The following AFF1 variants were observed in gnomAD, a reference collection of about 807,000 sequenced individuals.
AFF1 encodes the protein ALF transcription elongation factor 1, also known as AF4/FMR2 family member 1.
A neutral mutation model predicts 121.7 loss-of-function variants in AFF1; 48 were observed. That is an observed-to-expected ratio of 0.39 (90% CI 0.31 to 0.50). AFF1 has a LOEUF of 0.50. Ranked by LOEUF, AFF1 falls within the 20% of genes least tolerant of loss-of-function variation. The pLI is 0.76. For missense variants in AFF1, 1,523 were observed against 1,511.7 expected (o/e 1.01, Z -0.12); for synonymous variants, 613 against 563.0 (o/e 1.09, Z -1.26).
chr4:87,087,220 A>G (rs907542106), intron 5 of AFF1, among the ~76,000 whole-genome samples: 8 of 152,234 alleles, frequency 5.3e-5, no homozygotes, highest in African/African-American at 1.9e-4. Flanking sequence ...TATTCAACAA[A>G]TACTTGTTAA....
At chr4:87,127,459 A>G (rs1007259311) in intron 15 of AFF1, among the ~76,000 whole-genome samples, 184 bp from the exon 16 acceptor site, 3 of 152,038 alleles carry the variant, frequency 2.0e-5, no homozygotes, top group Admixed American at 6.6e-5. Context: ...CACTGCACCC[A>G]GCCACTTCTT....
intron 2 of AFF1, among the ~76,000 whole-genome samples, chr4:86,995,119 G>C (rs1270573489): frequency 6.6e-6 from 1 of 152,134 alleles, no homozygotes; most frequent in Non-Finnish European, 1.5e-5. Context: ...TGTAGCCCCA[G>C]CTACTCAGGA....
At chr4:87,030,094 T>A (rs1728918579) in intron 2 of AFF1, among the ~76,000 whole-genome samples, 1 of 152,152 alleles carries the variant, frequency 6.6e-6, no homozygotes, top group African/African-American at 2.4e-5. Flanking sequence ...AAGAAGTTAT[T>A]TCAGAAGCAG....
intron 11 of AFF1, 80 bp from the exon 12 acceptor site, chr4:87,114,287 G>A: frequency 1.6e-6 from 2 of 1,289,794 alleles, no homozygotes; most frequent in Non-Finnish European, 2.1e-6. Flanking sequence ...GGACAGTGTT[G>A]TATAATTGGG....
rs1171253973 is a variant in AFF1 at position 87,115,117 on chromosome 4, A to ACTCCTCCC, written c.2286_2293dup (p.Pro765LeufsTer7). The ACTCCTCCC allele has an allele frequency of 6.2e-7, 1 of 1,612,826 alleles. No individual in the cohort carries two copies. The highest frequency in any genetic ancestry group is 1.3e-5 in the African/African-American group (1 of 74,466). ...CAAGCTGCTCTCACCGCTCAGGGAC[A>ACTCCTCCC]CTCCTCCCCCACAAAGCTTGATGGT... On this transcript the variant is annotated frameshift_variant, in exon 12 of 21. Coordinates refer to ENST00000395146, the MANE Select transcript of AFF1 (RefSeq NM_001166693.3). LOFTEE classifies it high-confidence loss of function.
intron 11 of AFF1, among the ~76,000 whole-genome samples, chr4:87,112,130 T>C (rs1440361804): frequency 6.6e-6 from 1 of 152,226 alleles, no homozygotes; most frequent in African/African-American, 2.4e-5. Context: ...GCAAGTGATG[T>C]ATCTCACTAC....
At chr4:87,080,295 A>T (rs1057235814) in intron 4 of AFF1, among the ~76,000 whole-genome samples, 1 of 152,232 alleles carries the variant, frequency 6.6e-6, no homozygotes, top group Non-Finnish European at 1.5e-5. Context: ...AAGGACTTAC[A>T]AACTAGATTT....
At chr4:87,055,754 G>A (rs1157933633) in intron 4 of AFF1, among the ~76,000 whole-genome samples, 2 of 152,102 alleles carry the variant, frequency 1.3e-5, no homozygotes, top group Non-Finnish European at 1.5e-5. Context: ...GTTTTGGTGG[G>A]GGTGACCAAC....
intron 4 of AFF1, among the ~76,000 whole-genome samples, chr4:87,072,217 G>C (rs1009008855): frequency 1.3e-5 from 2 of 152,048 alleles, no homozygotes; most frequent in East Asian, 3.9e-4. Context: ...CAAAAAATTA[G>C]CTGGGCCTGG....
chr4:86,985,038 AAATC>A (rs1261000229), intron 2 of AFF1, among the ~76,000 whole-genome samples: 2 of 149,560 alleles, frequency 1.3e-5, no homozygotes, highest in African/African-American at 2.5e-5. Flanking sequence ...GATACAAACA[AAATC>A]AAACAGTTTA....
chr4:86,961,775 A>C (rs1560503810), intron 2 of AFF1, among the ~76,000 whole-genome samples: 1 of 152,066 alleles, frequency 6.6e-6, no homozygotes, highest in South Asian at 2.1e-4. Flanking sequence ...GCTCTCTCAG[A>C]GCACTTTGTG....
At chr4:86,963,866 G>A (rs188418496) in intron 2 of AFF1, among the ~76,000 whole-genome samples, 32 of 150,380 alleles carry the variant, frequency 2.1e-4, no homozygotes, top group Admixed American at 1.6e-3. Context: ...GCACAGTCAC[G>A]GTTCACTACA....
At chr4:86,995,655 C>T (rs911139829) in intron 2 of AFF1, among the ~76,000 whole-genome samples, 38 of 150,916 alleles carry the variant, frequency 2.5e-4, no homozygotes, top group Admixed American at 6.6e-4. Flanking sequence ...GTGATCTCGG[C>T]TCGCTACAAC....
In AFF1 at chr4:87,088,192, A is replaced by G. The variant is rs756120162; in HGVS notation, c.1105-1792A>G. Among the ~76,000 whole-genome samples, 11 of 152,320 alleles carry G rather than the reference A, an allele frequency of 7.2e-5. 1 individual carries two copies. The East Asian group carries it at 1.9e-3, about 27-fold the overall frequency. On this transcript the variant is annotated intron_variant, in intron 5 of 20. Transcript: ENST00000395146. ...TAGGATTCAATCTGGGTCTTTGGCT[A>G]TAGCCATTATTCTTTCCAGTATATT...
chr4:87,041,572 A>G (rs565765314), intron 2 of AFF1, among the ~76,000 whole-genome samples: 1 of 152,282 alleles, frequency 6.6e-6, no homozygotes, highest in South Asian at 2.1e-4. Context: ...AAAATCAGCT[A>G]AGGAGAACTT....
intron 4 of AFF1, among the ~76,000 whole-genome samples, chr4:87,083,733 C>G (rs933721721): frequency 1.3e-5 from 2 of 152,202 alleles, no homozygotes; most frequent in African/African-American, 4.8e-5. Context: ...TGTTTCCCCA[C>G]AAGATTCAGT....
At chr4:87,131,925 A>G (rs750100469) in intron 18 of AFF1, 61 bp downstream of exon 18, 165 of 1,366,488 alleles carry the variant, frequency 1.2e-4, no homozygotes, top group African/African-American at 4.5e-5. Flanking sequence ...TGATGTTACA[A>G]AAAGATTCTG....
intron 16 of AFF1, among the ~76,000 whole-genome samples, chr4:87,128,167 A>G (rs1194118425): frequency 6.6e-6 from 1 of 152,260 alleles, no homozygotes; most frequent in East Asian, 1.9e-4. Flanking sequence ...AAGCCTGTTT[A>G]CATTCCAAAA....
chr4:87,060,871 A>G (rs1369957678), intron 4 of AFF1, among the ~76,000 whole-genome samples: 2 of 50,144 alleles, frequency 4.0e-5, no homozygotes, highest in South Asian at 6.9e-4. Context: ...AAAAAAACAC[A>G]AAAAAACAAC....
Sources: allele counts gnomAD v4.1 joint callset (sites outside exome capture counted in the v4.1 genomes callset), GRCh38; gene constraint gnomAD v4.1.1; transcripts MANE v1.5; gene names NCBI Gene and HGNC (gene_info 2026-07-23, HGNC 2026-07-21).